CAPRIN1: variants seen among roughly 807,000 people sequenced by gnomAD.
CAPRIN1 encodes caprin-1.
A neutral mutation model predicts 100.9 loss-of-function variants in CAPRIN1; 29 were observed. That is an observed-to-expected ratio of 0.29 (90% CI 0.21 to 0.39). CAPRIN1 has a LOEUF of 0.39. Ranked by LOEUF, CAPRIN1 falls within the 10% of genes least tolerant of loss-of-function variation. The pLI is 1.00. For missense variants in CAPRIN1, 795 were observed against 876.7 expected, an observed-to-expected ratio of 0.91 and a Z score of 1.18; for synonymous variants, 338 against 307.5, an observed-to-expected ratio of 1.10 and a Z score of -1.04.
chr11:34,061,268 G>C (rs1850572494), intron 2 of CAPRIN1, among the ~76,000 whole-genome samples: 1 of 144,046 alleles, frequency 6.9e-6, no homozygotes, highest in Non-Finnish European at 1.5e-5. Flanking sequence ...GTACAATGGC[G>C]CAATCTCAGC....
Position 34,097,719 on chromosome 11 carries a change from A to G in CAPRIN1, c.2023A>G (p.Lys675Glu). The change falls in exon 18 of 19, where the codon AAG (lysine) becomes GAG (glutamate). Residue 675 changes from lysine to glutamate, a missense_variant. This residue lies in a region of CAPRIN1 where 648 missense variants were observed against 697.9 expected (regional missense o/e 0.93). Transcript: ENST00000341394. ...YQRDGYQQNF[K>E]RGSGQSGPRG... is the part of the protein sequence containing the mutation. ...TTAGGATGGATATCAGCAGAATTTCAAGCGAGGCTCTGGGCAGAGTGGACC... is the reference window on the plus strand; with the variant it reads ...TTAGGATGGATATCAGCAGAATTTCGAGCGAGGCTCTGGGCAGAGTGGACC... 1 of 1,614,120 alleles carries G rather than the reference A, an allele frequency of 6.2e-7. No individual in the cohort carries two copies. The highest frequency in any genetic ancestry group is 8.5e-7 in the Non-Finnish European group (1 of 1,179,962).
intron 4 of CAPRIN1, among the ~76,000 whole-genome samples, chr11:34,075,865 ACT>A (rs1209402809): frequency 2.6e-5 from 4 of 152,094 alleles, no homozygotes; most frequent in African/African-American, 9.7e-5. Context: ...ATACAATGAA[ACT>A]CTTTGTACCT....
Position 34,102,097 on chromosome 11 carries a change from A to C in CAPRIN1, c.*2730A>C, listed in dbSNP as rs150232328. Among the ~76,000 whole-genome samples the C allele has an allele frequency of 1.2e-3, 187 of 152,344 alleles. No individual in the cohort carries two copies. Among genetic ancestry groups the C allele is most frequent in the African/African-American group, 4.4e-3 (183 of 41,574 alleles). On this transcript the variant is annotated 3_prime_UTR_variant, in exon 19 of 19. Transcript: ENST00000341394. ...AAACAAATATCCTTTAAGTATTTCT[A>C]ATCAGTTAGCTTCTACAGTTCTTTT...
intron 2 of CAPRIN1, chr11:34,052,999 C>G: frequency 9.5e-7 from 1 of 1,054,110 alleles, no homozygotes; most frequent in Non-Finnish European, 1.1e-6. Context: ...GGCCCGATTT[C>G]TCTGACGAGG....
intron 15 of CAPRIN1, among the ~76,000 whole-genome samples, chr11:34,092,388 ACT>A (rs1851280784): frequency 6.9e-6 from 1 of 145,782 alleles, no homozygotes; most frequent in East Asian, 2.0e-4. Flanking sequence ...ATGGGGTCTC[ACT>A]CTGTCACCCA....
intron 7 of CAPRIN1, among the ~76,000 whole-genome samples, chr11:34,082,197 T>G (rs1242376466): frequency 6.6e-6 from 1 of 151,608 alleles, no homozygotes; most frequent in African/African-American, 2.4e-5. Context: ...TTTTTATTTT[T>G]ATTTTTTGAG....
At position 34,052,287 on chromosome 11, in the gene CAPRIN1, C is replaced by T; in HGVS notation, c.1-134C>T. On this transcript the variant is annotated intron_variant, in intron 1 of 18. Coordinates refer to ENST00000341394, the MANE Select transcript of CAPRIN1 (RefSeq NM_005898.5). ...CTCTTCCTGCCCTCGAGGCGCGCCG[C>T]GCCCCCTCCCCCACCCGCTCGCGTA... 1.5e-5 allele frequency: 11 copies of T among 734,918 alleles called. No homozygotes were observed. The South Asian group carries it at 1.9e-4, about 13-fold the overall frequency. The allele number at this position is 734,918 out of a possible 1,614,324, so 45.5% of individuals were successfully genotyped here.
chr11:34,084,222 G>C (rs1851092341), intron 9 of CAPRIN1, among the ~76,000 whole-genome samples: 1 of 151,906 alleles, frequency 6.6e-6, no homozygotes, highest in African/African-American at 2.4e-5. Context: ...CCAAAGTGCT[G>C]GGATTACAGT....
rs1467988546 is a variant in CAPRIN1, at chr11:34,070,691, T to G, written c.217-1035T>G. 2.0e-5 allele frequency among the ~76,000 whole-genome samples: 3 copies of G among 147,596 alleles called. No individual in the cohort carries two copies. In the Admixed American group the frequency reaches 2.0e-4, roughly 10 times the overall value. On this transcript the variant is annotated intron_variant, in intron 2 of 18. Transcript: ENST00000341394. ...GATTACAGGCAGGAGCCACCGTGCC[T>G]GGCCCGAAAAAATACTCTTTTTTTT...
intron 2 of CAPRIN1, among the ~76,000 whole-genome samples, chr11:34,061,089 G>T (rs1000669241): frequency 1.3e-5 from 2 of 151,986 alleles, no homozygotes; most frequent in Admixed American, 6.6e-5. Flanking sequence ...GGTTTTTACA[G>T]GATTGGCTTT....
At chr11:34,096,255 G>A (rs529008262) in intron 15 of CAPRIN1, 2 of 430,268 alleles carry the variant, frequency 4.6e-6, no homozygotes, top group Non-Finnish European at 8.2e-6. Context: ...GCTTTCAAAG[G>A]TTTGGAATTG....
intron 15 of CAPRIN1, among the ~76,000 whole-genome samples, chr11:34,093,085 T>C (rs913668956): frequency 6.6e-6 from 1 of 151,476 alleles, no homozygotes; most frequent in African/African-American, 2.4e-5. Context: ...GCCAGGCTGA[T>C]CTCCAACTCC....
rs540607630 is a variant in CAPRIN1 at position 34,078,517 on chromosome 11, T to C, written c.689-1111T>C. 2.0e-4 allele frequency among the ~76,000 whole-genome samples: 30 copies of C among 152,322 alleles called. 1 individual carries two copies. The South Asian group carries it at 3.5e-3, about 18-fold the overall frequency. ...TTGTCTACTTTTTTCTCTTCTACTTTTATACCTTTCTCTTGTCTGACGCAG... is the reference window on the plus strand; with the variant it reads ...TTGTCTACTTTTTTCTCTTCTACTTCTATACCTTTCTCTTGTCTGACGCAG... On this transcript the variant is annotated intron_variant, in intron 6 of 18. Coordinates refer to ENST00000341394, the MANE Select transcript of CAPRIN1 (RefSeq NM_005898.5).
chr11:34,052,324 G>C (rs1187073648), intron 1 of CAPRIN1, 97 bp from the exon 2 acceptor site: 1 of 1,025,236 alleles, frequency 9.8e-7, no homozygotes, highest in South Asian at 1.4e-5. Context: ...GCTACCGCTC[G>C]CTGCGCGTTT....
chr11:34,095,075 G>C (rs1042859918), intron 15 of CAPRIN1, among the ~76,000 whole-genome samples: 2 of 151,994 alleles, frequency 1.3e-5, no homozygotes, highest in Non-Finnish European at 2.9e-5. Context: ...TGTTGTTGTT[G>C]TTGTTGAGAT....
chr11:34,075,049 A>C (rs1168249820), intron 4 of CAPRIN1, among the ~76,000 whole-genome samples: 5 of 151,910 alleles, frequency 3.3e-5, no homozygotes, highest in Non-Finnish European at 7.4e-5. Flanking sequence ...TTTTTAAAAA[A>C]GACTTTTTTT....
At chr11:34,068,829 A>G (rs1046018342) in intron 2 of CAPRIN1, among the ~76,000 whole-genome samples, 1 of 152,136 alleles carries the variant, frequency 6.6e-6, no homozygotes, top group Non-Finnish European at 1.5e-5. Flanking sequence ...CGCTACACAA[A>G]CATTTTTTAG....
chr11:34,096,373 A>G (rs1851367558), intron 15 of CAPRIN1, 106 bp from the exon 16 acceptor site: 1 of 710,728 alleles, frequency 1.4e-6, no homozygotes, highest in South Asian at 1.9e-5. Context: ...TTAAGGATTA[A>G]ACTTTAAGGA....
In CAPRIN1 at chr11:34,090,221, C is replaced by A; in HGVS notation, c.1336C>A (p.Gln446Lys). ...SSTSEGYTASQPLYQPSHATE... is the reference protein window; with the variant it reads ...SSTSEGYTASKPLYQPSHATE... ...CACAAGTGAGGGGTACACAGCATCT[C>A]AACCCTTGTACCAGCCTTCTCATGC... Residue 446 changes from glutamine (Q) to lysine (K), a missense_variant, in exon 13 of 19, where the codon CAA (glutamine) becomes AAA (lysine). Gln to Lys is a moderately conservative substitution (Grantham distance 53). This residue lies in a region of CAPRIN1 where 648 missense variants were observed against 697.9 expected (regional missense o/e 0.93). Coordinates refer to ENST00000341394, the MANE Select transcript of CAPRIN1 (RefSeq NM_005898.5). 1 of 1,613,904 alleles carries A rather than the reference C, an allele frequency of 6.2e-7. No individual in the cohort carries two copies. The highest frequency in any genetic ancestry group is 8.5e-7 in the Non-Finnish European group (1 of 1,179,826).
Sources: gnomAD v4.1 joint callset for allele counts (sites outside exome capture counted in the v4.1 genomes callset) on GRCh38, gnomAD v4.1.1 for gene constraint, gnomAD v4.1.1 regional missense constraint, MANE v1.5 for transcripts, NCBI Gene and HGNC (gene_info 2026-07-23, HGNC 2026-07-21) for gene names.